The following FAR2 variants were observed in gnomAD, a reference collection of about 807,000 sequenced individuals.
FAR2 encodes epididymis secretory protein Li 81.
A neutral mutation model predicts 56.0 loss-of-function variants in FAR2; 19 were observed. The ratio of observed to expected loss-of-function variants is 0.34; its 90% confidence interval spans 0.24 to 0.50. The LOEUF is 0.50. FAR2 is among the 20% of genes least tolerant of loss of function. FAR2 has a pLI of 0.98. For synonymous variants in FAR2, 219 were observed against 218.8 expected (o/e 1.00, Z -0.01); for missense variants, 508 against 642.2 (o/e 0.79, Z 2.26).
chr12:29,190,184 C>T (rs556510193), intron 1 of FAR2, among the ~76,000 whole-genome samples: 9 of 152,176 alleles, frequency 5.9e-5, no homozygotes, highest in East Asian at 5.8e-4. Flanking sequence ...GTCAAATGAG[C>T]GGGCACACCT....
chr12:29,262,169 G>C (rs1437944323), intron 1 of FAR2, among the ~76,000 whole-genome samples: 1 of 152,026 alleles, frequency 6.6e-6, no homozygotes, highest in Admixed American at 6.6e-5. Context: ...GCAAGATGAA[G>C]TTAAAGTGTA....
At chr12:29,270,824 A>T (rs571217021) in intron 2 of FAR2, among the ~76,000 whole-genome samples, 186 bp downstream of exon 2, 2 of 152,370 alleles carry the variant, frequency 1.3e-5, no homozygotes, top group African/African-American at 4.8e-5. Context: ...AGGAGGGAAA[A>T]GAGTGCTTAG....
intron 1 of FAR2, among the ~76,000 whole-genome samples, chr12:29,195,451 G>A (rs1423832291): frequency 6.6e-6 from 1 of 152,100 alleles, no homozygotes. Context: ...TGTATATATT[G>A]TGGAATATTG....
rs565647381 is a variant in FAR2, at chr12:29,192,289, T to C, written c.-39+42882T>C. Among the ~76,000 whole-genome samples the C allele has an allele frequency of 7.2e-5, 11 of 152,372 alleles. No homozygotes were observed. In the East Asian group the frequency reaches 1.7e-3, roughly 24 times the overall value. ...GCAAATTTGATTTATGCACATTTTA[T>C]GATTTTGCAAATGTGAATATTCTGA... is the stretch of plus-strand genomic sequence containing the variant. On this transcript the variant is annotated intron_variant, in intron 1 of 11. Coordinates refer to ENST00000536681, the MANE Select transcript of FAR2 (RefSeq NM_001271783.2).
intron 1 of FAR2, among the ~76,000 whole-genome samples, chr12:29,250,232 C>A (rs1948186442): frequency 6.6e-6 from 1 of 152,142 alleles, no homozygotes; most frequent in African/African-American, 2.4e-5. Context: ...TAATACATAA[C>A]CACTAGGTAG....
intron 1 of FAR2, among the ~76,000 whole-genome samples, chr12:29,150,159 T>TCAA: frequency 1.3e-5 from 2 of 152,232 alleles, no homozygotes; most frequent in Admixed American, 1.3e-4. Context: ...GGAAGGCTGC[T>TCAA]CAACACTCCT....
intron 1 of FAR2, among the ~76,000 whole-genome samples, chr12:29,194,131 C>T (rs1950124953): frequency 2.0e-5 from 3 of 152,066 alleles, no homozygotes; most frequent in Admixed American, 1.3e-4. Flanking sequence ...TAGAACTGTT[C>T]CTTCAAATGG....
rs1385889987 is a variant in FAR2, at chr12:29,229,175, C to A, written c.-38-41237C>A. ...TGATATATTTCTGAGTTATGGTCTC[C>A]TTTTAATTCTTCTAAGGATAAAGAA... On this transcript the variant is annotated intron_variant, in intron 1 of 11. Transcript: ENST00000536681. Among the ~76,000 whole-genome samples, 3 of 152,256 alleles carry A rather than the reference C, an allele frequency of 2.0e-5. No individual in the cohort carries two copies. In the East Asian group the frequency reaches 5.8e-4, roughly 29 times the overall value.
rs553417020 is a variant in FAR2 at position 29,262,597 on chromosome 12, A to C, written c.-38-7815A>C. ...GTGAGCCAAGATTGTGCCACTGCAC[A>C]CCAGCCTGGGCAACAAGAGCAAAAT... On this transcript the variant is annotated intron_variant, in intron 1 of 11. Transcript: ENST00000536681. Among the ~76,000 whole-genome samples the C allele has an allele frequency of 2.6e-5, 4 of 152,248 alleles. No individual in the cohort carries two copies. In the East Asian group the frequency reaches 7.7e-4, roughly 29 times the overall value.
At chr12:29,326,078 C>T (rs1222432435) in intron 10 of FAR2, among the ~76,000 whole-genome samples, 1 of 151,546 alleles carries the variant, frequency 6.6e-6, no homozygotes, top group East Asian at 1.9e-4. Context: ...ATATCACCAC[C>T]GATCCCACAG....
intron 1 of FAR2, among the ~76,000 whole-genome samples, chr12:29,166,189 G>C (rs1253449813): frequency 6.6e-6 from 1 of 152,224 alleles, no homozygotes; most frequent in African/African-American, 2.4e-5. Flanking sequence ...TAAATTATAA[G>C]AGTTGCTGAT....
chr12:29,232,821 G>GCGCACACACACACACACACA (rs71444325), intron 1 of FAR2, among the ~76,000 whole-genome samples: 4 of 145,858 alleles, frequency 2.7e-5, no homozygotes, highest in Non-Finnish European at 6.1e-5. Flanking sequence ...ACGCGCTCGC[G>GCGCACACACACACACACACA]CACACACACA....
chr12:29,298,912 A>G (rs1432645496), intron 4 of FAR2, among the ~76,000 whole-genome samples: 1 of 152,146 alleles, frequency 6.6e-6, no homozygotes, highest in East Asian at 1.9e-4. Flanking sequence ...CTGAGAGTTC[A>G]TCAGAGAAAA....
rs139299921 is a variant in FAR2 at position 29,232,650 on chromosome 12, C to T, written c.-38-37762C>T. 5.4e-4 allele frequency among the ~76,000 whole-genome samples: 82 copies of T among 152,206 alleles called. No individual in the cohort carries two copies. In the East Asian group the frequency reaches 0.015, roughly 27 times the overall value. On this transcript the variant is annotated intron_variant, in intron 1 of 11. Transcript: ENST00000536681. ...CAGCCATCTTTTTTGGTCAGGCCAT[C>T]TGATTATTAGTCTACTTAGCATCAC...
Position 29,317,023 on chromosome 12 carries a change from G to T in FAR2, c.1127+11G>T. 6.2e-7 allele frequency: 1 copy of T among 1,609,736 alleles called. No individual in the cohort carries two copies. On this transcript the variant is annotated intron_variant, in intron 9 of 11. Transcript: ENST00000536681. Reference sequence around the variant, plus strand: ...TGGAAGGAAGCCCAGGTGAGAAGCTGAGTCAATGGCTTTGAGAGTGTCACT... The same window carrying T: ...TGGAAGGAAGCCCAGGTGAGAAGCTTAGTCAATGGCTTTGAGAGTGTCACT...
At chr12:29,228,140 GGAA>G (rs1947799591) in intron 1 of FAR2, among the ~76,000 whole-genome samples, 1 of 142,500 alleles carries the variant, frequency 7.0e-6, no homozygotes, top group Admixed American at 6.9e-5. Context: ...ATAAAAAAAA[GGAA>G]AAAAAAAAAA....
At chr12:29,225,713 G>A (rs527661944) in intron 1 of FAR2, among the ~76,000 whole-genome samples, 1 of 152,280 alleles carries the variant, frequency 6.6e-6, no homozygotes, top group South Asian at 2.1e-4. Context: ...AGCAGCGAAG[G>A]TAAATGAAGA....
At chr12:29,237,561 T>C (rs1437151213) in intron 1 of FAR2, among the ~76,000 whole-genome samples, 2 of 152,198 alleles carry the variant, frequency 1.3e-5, no homozygotes, top group African/African-American at 4.8e-5. Context: ...CATTCCTAAG[T>C]AGGATGGTTG....
chr12:29,227,834 T>C (rs1438909327), intron 1 of FAR2, among the ~76,000 whole-genome samples: 1 of 151,230 alleles, frequency 6.6e-6, no homozygotes, highest in Non-Finnish European at 1.5e-5. Context: ...AGAACCAAAA[T>C]ACTTACCAAA....
Sources: gnomAD v4.1 joint callset for allele counts (sites outside exome capture counted in the v4.1 genomes callset) on GRCh38, gnomAD v4.1.1 for gene constraint, MANE v1.5 for transcripts, NCBI Gene and HGNC (gene_info 2026-07-23, HGNC 2026-07-21) for gene names.